The following GALNTL6 variants were observed in gnomAD, a reference collection of about 807,000 sequenced individuals.
The protein encoded by GALNTL6 is polypeptide N-acetylgalactosaminyltransferase-like 6.
In GALNTL6, 46 loss-of-function variants were observed where a neutral mutation model predicts 73.7. The observed-to-expected ratio is 0.62, with a 90% CI of 0.49 to 0.80. The LOEUF (loss-of-function observed/expected upper bound fraction) is 0.80. GALNTL6 is among the 30% of genes least tolerant of loss of function. GALNTL6 has a pLI of 0.00. For missense variants in GALNTL6, 604 were observed against 755.0 expected, an observed-to-expected ratio of 0.80 and a Z score of 2.34; for synonymous variants, 259 against 263.7, an observed-to-expected ratio of 0.98 and a Z score of 0.17.
At chr4:172,310,921 G>A (rs977659222) in intron 3 of GALNTL6, among the ~76,000 whole-genome samples, 1 of 151,700 alleles carries the variant, frequency 6.6e-6, no homozygotes, top group Non-Finnish European at 1.5e-5. Flanking sequence ...AACAAAAACT[G>A]TTTTTAAAAA....
rs1014451664 is a variant in GALNTL6, at chr4:172,156,738, C to A, written c.139-72918C>A. Among the ~76,000 whole-genome samples, 5 of 151,280 alleles carry A rather than the reference C, an allele frequency of 3.3e-5. No individual in the cohort carries two copies. In the Middle Eastern group the frequency reaches 0.014, roughly 417 times the overall value. On this transcript the variant is annotated intron_variant, in intron 2 of 12. Coordinates refer to ENST00000506823, the MANE Select transcript of GALNTL6 (RefSeq NM_001034845.3). ...TGACCCTTAAATGTCATGACTGATACACATAAAAAAGAAAGGACACTTTAG... is the reference window on the plus strand; with the variant it reads ...TGACCCTTAAATGTCATGACTGATAAACATAAAAAAGAAAGGACACTTTAG...
At chr4:172,624,803 TTTTCTTTTA>T (rs1182540021) in intron 5 of GALNTL6, among the ~76,000 whole-genome samples, 78 of 151,994 alleles carry the variant, frequency 5.1e-4, no homozygotes, top group African/African-American at 1.7e-3. Context: ...CAGGTCTTTT[TTTTCTTTTA>T]TTTCAACTTT....
chr4:171,968,847 G>T (rs993651684), intron 2 of GALNTL6, among the ~76,000 whole-genome samples: 16 of 150,358 alleles, frequency 1.1e-4, no homozygotes, highest in Non-Finnish European at 1.9e-4. Context: ...GGGGTGGGGG[G>T]GGGGTTGGGG....
At chr4:172,188,738 G>A (rs144761066) in intron 2 of GALNTL6, among the ~76,000 whole-genome samples, 1 of 152,286 alleles carries the variant, frequency 6.6e-6, no homozygotes, top group African/African-American at 2.4e-5. Context: ...CTGGGTGAAG[G>A]GTGGTGGGTG....
At chr4:172,656,819 CT>C (rs1381154775) in intron 5 of GALNTL6, among the ~76,000 whole-genome samples, 2 of 152,196 alleles carry the variant, frequency 1.3e-5, no homozygotes, top group Non-Finnish European at 2.9e-5. Context: ...AGCAGACGTG[CT>C]TTGCACAGTC....
intron 2 of GALNTL6, among the ~76,000 whole-genome samples, chr4:172,078,192 G>A (rs1304397610): frequency 1.3e-5 from 2 of 152,156 alleles, no homozygotes; most frequent in Non-Finnish European, 2.9e-5. Flanking sequence ...GTGCAGAGGG[G>A]AAATGTGGAA....
chr4:171,936,764 A>G (rs576134085), intron 2 of GALNTL6, among the ~76,000 whole-genome samples: 62 of 152,308 alleles, frequency 4.1e-4, no homozygotes, highest in African/African-American at 1.5e-3. Flanking sequence ...CACTTTTAGA[A>G]ATAGTTTATA....
At chr4:172,397,999 C>A (rs933513192) in intron 5 of GALNTL6, among the ~76,000 whole-genome samples, 4 of 151,990 alleles carry the variant, frequency 2.6e-5, no homozygotes, top group Non-Finnish European at 5.9e-5. Context: ...TTATTCTTAA[C>A]TCTTTCCACT....
At chr4:171,962,141 C>T (rs1469055734) in intron 2 of GALNTL6, among the ~76,000 whole-genome samples, 4 of 152,156 alleles carry the variant, frequency 2.6e-5, no homozygotes, top group African/African-American at 4.8e-5. Context: ...CGCCCCTATC[C>T]AACCTGAAGA....
intron 2 of GALNTL6, among the ~76,000 whole-genome samples, chr4:172,188,488 C>T (rs544008624): frequency 4.6e-5 from 7 of 152,222 alleles, no homozygotes; most frequent in South Asian, 4.1e-4. Context: ...AAAAGTGACA[C>T]GGTGTCTGCT....
At chr4:172,924,554 G>A (rs1747953115) in intron 8 of GALNTL6, among the ~76,000 whole-genome samples, 1 of 152,180 alleles carries the variant, frequency 6.6e-6, no homozygotes, top group Admixed American at 6.5e-5. Context: ...GAGTTAAGCT[G>A]AAATCTGGAA....
chr4:171,993,182 G>A (rs552042553), intron 2 of GALNTL6, among the ~76,000 whole-genome samples: 1 of 138,794 alleles, frequency 7.2e-6, no homozygotes, highest in Non-Finnish European at 1.6e-5. Flanking sequence ...CATATAAGAT[G>A]ATGAGAGTCA....
chr4:172,368,622 G>C (rs931114255), intron 5 of GALNTL6, among the ~76,000 whole-genome samples: 1 of 151,928 alleles, frequency 6.6e-6, no homozygotes, highest in African/African-American at 2.4e-5. Flanking sequence ...TTGGGTTCTT[G>C]GTCTCGCTGA....
chr4:172,343,486 T>C (rs1158721547), intron 4 of GALNTL6, among the ~76,000 whole-genome samples: 3 of 152,176 alleles, frequency 2.0e-5, no homozygotes, highest in African/African-American at 4.8e-5. Flanking sequence ...TTTCAAGTAT[T>C]TGTAATTAAA....
chr4:172,106,963 T>C (rs1481968567), intron 2 of GALNTL6, among the ~76,000 whole-genome samples: 6 of 152,222 alleles, frequency 3.9e-5, no homozygotes, highest in Non-Finnish European at 7.3e-5. Context: ...AACCTTTGCC[T>C]CCCGGGTTCA....
chr4:171,893,515 A>AT (rs1736819585), intron 2 of GALNTL6, among the ~76,000 whole-genome samples: 1 of 152,140 alleles, frequency 6.6e-6, no homozygotes, highest in Non-Finnish European at 1.5e-5. Context: ...AATTAGGTTA[A>AT]TTTTTTGTCA....
At chr4:172,804,901 C>A (rs1254445290) in intron 5 of GALNTL6, among the ~76,000 whole-genome samples, 1 of 152,150 alleles carries the variant, frequency 6.6e-6, no homozygotes, top group Non-Finnish European at 1.5e-5. Context: ...CCCTGTGGTA[C>A]ATATTCACTT....
rs35154168 is a variant in GALNTL6, at chr4:172,595,681, A to AT, written c.554-213672dup. The stretch of plus-strand genomic sequence containing the variant: ...TGATGAGTAATTTCAATGGCAAACT[A>AT]TTTTTTTTCCAATTTCATCAGAGTA... On this transcript the variant is annotated intron_variant, in intron 5 of 12. Coordinates refer to ENST00000506823, the MANE Select transcript of GALNTL6 (RefSeq NM_001034845.3). Among the ~76,000 whole-genome samples the AT allele has an allele frequency of 3.7e-4, 57 of 152,100 alleles. No homozygotes were observed. The East Asian group carries it at 6.4e-3, about 17-fold the overall frequency.
intron 5 of GALNTL6, among the ~76,000 whole-genome samples, chr4:172,607,928 C>T (rs1383543253): frequency 6.6e-6 from 1 of 152,014 alleles, no homozygotes; most frequent in Non-Finnish European, 1.5e-5. Flanking sequence ...TCTTTCCCCA[C>T]TTTATAATGG....
Sources: gnomAD v4.1 joint callset for allele counts (sites outside exome capture counted in the v4.1 genomes callset) on GRCh38, gnomAD v4.1.1 for gene constraint, MANE v1.5 for transcripts, NCBI Gene and HGNC (gene_info 2026-07-23, HGNC 2026-07-21) for gene names.